WNK2: variants seen among roughly 807,000 people sequenced by gnomAD.
WNK2 encodes WNK lysine deficient protein kinase 2, also known as serine/threonine-protein kinase WNK2.
Under a neutral mutation model 192.1 loss-of-function variants are expected in WNK2, and 67 were observed. The observed-to-expected ratio is 0.35, with a 90% confidence interval of 0.29 to 0.43. WNK2 has a LOEUF of 0.43. Ranked by LOEUF, WNK2 falls within the 20% of genes least tolerant of loss-of-function variation. The pLI is 1.00. For missense variants in WNK2, 2,698 were observed against 3,089.7 expected, an observed-to-expected ratio of 0.87 and a Z score of 3.01; for synonymous variants, 1,439 against 1,393.9, an observed-to-expected ratio of 1.03 and a Z score of -0.72.
chr9:93,194,034 T>C (rs1253373899), intron 2 of WNK2, among the ~76,000 whole-genome samples: 1 of 152,188 alleles, frequency 6.6e-6, no homozygotes, highest in East Asian at 1.9e-4. Flanking sequence ...CAAATGGCGC[T>C]GGAACAACTG....
At chr9:93,308,899 A>C (rs1030326036) in intron 28 of WNK2, 46 of 1,220,696 alleles carry the variant, frequency 3.8e-5, no homozygotes, top group Non-Finnish European at 4.5e-5. Context: ...CAGAGCAGGT[A>C]GCCCTGGTCT....
chr9:93,238,462 G>C lies in WNK2; in HGVS notation c.1322+141G>C, dbSNP rs573201291. On this transcript the variant is annotated intron_variant, in intron 6 of 29. Coordinates refer to ENST00000427277, the MANE Select transcript of WNK2 (RefSeq NM_006648.4). ...GGGTGTCTGGGGCACGTTAGCAGGG[G>C]CTGGTGAGCATGTCGGCCCTGAGTG... 6.4e-6 allele frequency: 5 copies of C among 780,112 alleles called. No individual in the cohort carries two copies. In the South Asian group the frequency reaches 8.4e-5, roughly 13 times the overall value. 48.3% of individuals were successfully genotyped at this position (780,112 alleles called of 1,614,324 possible).
chr9:93,298,704 G>A (rs992875967), intron 24 of WNK2, among the ~76,000 whole-genome samples: 1 of 152,184 alleles, frequency 6.6e-6, no homozygotes, highest in East Asian at 1.9e-4. Context: ...CTCACTATAA[G>A]CCCACAACCT....
At position 93,259,092 on chromosome 9, in the gene WNK2, C is replaced by T. The variant is rs372780113; in HGVS notation, c.2544C>T (p.Pro848=). The change falls in exon 12 of 30, where the codon CCC becomes CCT. Residue 848 remains proline (P), a synonymous_variant. Transcript: ENST00000427277. The surrounding 1 kb of genome is among the most constrained non-coding windows in gnomAD (Gnocchi z 4.8). ...VILPSLAAPL[P]PASPALPLQA... is the part of the protein sequence containing the mutation. ...TGCCGAGCCTCGCTGCCCCACTCCC[C>T]CCTGCGTCCCCAGCCTTGCCTCTGC... The T allele has an allele frequency of 6.2e-7, 1 of 1,613,128 alleles. No homozygotes were observed. The highest frequency in any genetic ancestry group is 8.5e-7 in the Non-Finnish European group (1 of 1,179,728).
rs1833909284 is a variant in WNK2 at position 93,208,744 on chromosome 9, CAT to C, written c.682-20951_682-20950del. Among the ~76,000 whole-genome samples, 7 of 1,852 alleles carry C rather than the reference CAT, an allele frequency of 3.8e-3. 1 individual carries two copies. The highest frequency in any genetic ancestry group is 2.3e-3 in the Non-Finnish European group (2 of 874). The allele number at this position is 1,852 out of a possible 152,430, so 1.2% of individuals were successfully genotyped here. A position where few individuals can be genotyped will look rare whatever the true frequency, so the allele number is the denominator to read the frequency against. ...TCTTCGTGCGTGTTCTGTGTGTGTT[CAT>C]GTGTGTGCGCATGTCCTCCGTGTGT... On this transcript the variant is annotated intron_variant, in intron 2 of 29. Transcript: ENST00000427277.
At chr9:93,309,164 T>G (rs1431740928) in intron 28 of WNK2, 1 of 978,656 alleles carries the variant, frequency 1.0e-6, no homozygotes, top group African/African-American at 1.8e-5. Context: ...TATTTCTATC[T>G]CAAATATTTA....
At position 93,259,568 on chromosome 9, in the gene WNK2, C is replaced by T. The variant is rs1843873904; in HGVS notation, c.3020C>T (p.Pro1007Leu). 2 of 1,594,402 alleles carry T rather than the reference C, an allele frequency of 1.3e-6. No homozygotes were observed. The highest frequency in any genetic ancestry group is 1.7e-6 in the Non-Finnish European group (2 of 1,177,182). ...ALPVRPEPLQ[P>L]HLPEQAAPAA... is the part of the protein sequence containing the mutation. ...CCTGTGCGCCCTGAGCCCCTCCAGC[C>T]CCACCTTCCTGAACAAGCTGCTCCA... Residue 1007 changes from proline to leucine, a missense_variant, in exon 12 of 30, where the codon CCC (proline) becomes CTC (leucine). By Grantham distance (98) the Pro-to-Leu change is moderately conservative. Transcript: ENST00000427277. This position sits in a 1 kb window ranked among gnomAD's most constrained non-coding sequence, Gnocchi z 4.8.
At chr9:93,193,429 C>G (rs1185469145) in intron 2 of WNK2, among the ~76,000 whole-genome samples, 1 of 152,204 alleles carries the variant, frequency 6.6e-6, no homozygotes, top group Non-Finnish European at 1.5e-5. Context: ...GCAAAATAAA[C>G]AGTTGTCTCC....
At position 93,292,334 on chromosome 9, in the gene WNK2, G is replaced by A. The variant is rs1849491144; in HGVS notation, c.4963G>A (p.Gly1655Ser). 2 of 1,613,946 alleles carry A rather than the reference G, an allele frequency of 1.2e-6. No homozygotes were observed. Among genetic ancestry groups the A allele is most frequent in the East Asian group, 4.5e-5 (2 of 44,870 alleles). Residue 1655 changes from glycine to serine, a missense_variant, in exon 22 of 30, where the codon GGC becomes AGC. Transcript: ENST00000427277. ...TAESSPRSML[G>S]YDRDGRQVAS... ...AGAGTCGTCTCCCAGGAGTATGCTA[G>A]GCTATGACAGAGATGGAAGGCAGGT... is the stretch of plus-strand genomic sequence containing the variant.
At chr9:93,306,032 C>T (rs1261293776) in intron 26 of WNK2, among the ~76,000 whole-genome samples, 5 of 152,196 alleles carry the variant, frequency 3.3e-5, no homozygotes, top group Admixed American at 3.3e-4. Flanking sequence ...TAGGACATTG[C>T]ATTCAGTGTA....
At chr9:93,226,065 C>A (rs949190073) in intron 2 of WNK2, among the ~76,000 whole-genome samples, 1 of 152,214 alleles carries the variant, frequency 6.6e-6, no homozygotes, top group East Asian at 1.9e-4. Context: ...GGCTTGGTGT[C>A]CGTTTGACAG....
intron 29 of WNK2, chr9:93,317,921 G>A (rs1173551692): frequency 9.4e-6 from 15 of 1,600,078 alleles, no homozygotes; most frequent in East Asian, 4.5e-5. Flanking sequence ...TTTGGCCTCC[G>A]AGTCCCCCCC....
Position 93,257,146 on chromosome 9 carries a change from C to T in WNK2, c.2382+7C>T, listed in dbSNP as rs774510204. On this transcript the variant is annotated splice_region_variant and intron_variant, in intron 11 of 29. Transcript: ENST00000427277. The surrounding 1 kb of genome is among the most constrained non-coding windows in gnomAD (Gnocchi z 4.7). ...TGCTCAAGTCCCTCCGCAGGTAATT[C>T]TAGGTTGATGGCTGCCGTCAGTGGT... The T allele has an allele frequency of 1.4e-5, 23 of 1,603,412 alleles. No homozygotes were observed. In the South Asian group the frequency reaches 2.3e-4, roughly 16 times the overall value.
chr9:93,261,674 A>G (rs1844277990), intron 12 of WNK2, 140 bp from the exon 13 acceptor site: 6 of 929,140 alleles, frequency 6.5e-6, no homozygotes, highest in East Asian at 2.5e-5. Context: ...GCTCTGAGAC[A>G]GGGACTCCCC....
rs199699531 is a variant in WNK2, at chr9:93,236,711, A to AC, written c.1234-1515dup. Among the ~76,000 whole-genome samples the AC allele has an allele frequency of 4.6e-3, 693 of 151,986 alleles. 7 individuals carry two copies. The highest frequency in any genetic ancestry group is 0.016 in the African/African-American group (653 of 41,440). ...CACTGTCCCTCAGGCTGCCACCCGC[A>AC]CCCCCCCGCAACAAAGCCGCATGGC... is the stretch of plus-strand genomic sequence containing the variant. On this transcript the variant is annotated intron_variant, in intron 5 of 29. Transcript: ENST00000427277.
Position 93,320,536 on chromosome 9 carries a change from T to C in WNK2, c.*144T>C, listed in dbSNP as rs1855318950. On this transcript the variant is annotated 3_prime_UTR_variant, in exon 30 of 30. Transcript: ENST00000427277. ...TTATTCACAATTGGAAACACAAATGTAATGCAAGAATAAAAAATATTTTGG... is the reference window on the plus strand; with the variant it reads ...TTATTCACAATTGGAAACACAAATGCAATGCAAGAATAAAAAATATTTTGG... The C allele has an allele frequency of 1.1e-6, 1 of 884,474 alleles. No individual in the cohort carries two copies. Among genetic ancestry groups the C allele is most frequent in the Admixed American group, 2.8e-5 (1 of 35,862 alleles). The allele number at this position is 884,474 out of a possible 1,614,324, so 54.8% of individuals were successfully genotyped here.
intron 23 of WNK2, among the ~76,000 whole-genome samples, chr9:93,296,379 T>C (rs1389030857): frequency 1.5e-4 from 1 of 6,852 alleles, no homozygotes; most frequent in African/African-American, 7.5e-4. Context: ...TCCCCTCACC[T>C]TCCTCCCCCT....
In WNK2 at chr9:93,292,978, A is replaced by G. The variant is rs747113401; in HGVS notation, c.5513A>G (p.Lys1838Arg). 115 of 1,546,946 alleles carry G rather than the reference A, an allele frequency of 7.4e-5. No homozygotes were observed. The highest frequency in any genetic ancestry group is 3.5e-4 in the Middle Eastern group (2 of 5,770). The change falls in exon 23 of 30, where the codon AAG becomes AGG. Residue 1838 changes from lysine (K) to arginine (R), a missense_variant. Physicochemically the swap from Lys to Arg is conservative, Grantham distance 26. Coordinates refer to ENST00000427277, the MANE Select transcript of WNK2 (RefSeq NM_006648.4). ...GGCAGCGTGGCTGGCGACTTCGTGAAGAAGGCCACCGCCTTCCTGCAGAGG... is the reference window on the plus strand; with the variant it reads ...GGCAGCGTGGCTGGCGACTTCGTGAGGAAGGCCACCGCCTTCCTGCAGAGG... ...VSGSVAGDFV[K>R]KATAFLQRPS...
intron 2 of WNK2, among the ~76,000 whole-genome samples, chr9:93,214,304 T>C (rs1835305604): frequency 6.6e-6 from 1 of 151,482 alleles, no homozygotes; most frequent in Non-Finnish European, 1.5e-5. Context: ...TTTATATATT[T>C]ATTTATTTAT....
Sources: gnomAD v4.1 joint callset for allele counts (sites outside exome capture counted in the v4.1 genomes callset) on GRCh38, gnomAD v4.1.1 for gene constraint, Gnocchi (gnomAD v3.1) non-coding constraint, MANE v1.5 for transcripts, NCBI Gene and HGNC (gene_info 2026-07-23, HGNC 2026-07-21) for gene names.